Variants in PKM observed in about 807,000 individuals in gnomAD.
The protein encoded by PKM is pyruvate kinase PKM.
In PKM, 18 loss-of-function variants were observed where a neutral mutation model predicts 49.8. The observed-to-expected ratio is 0.36, with a 90% CI of 0.25 to 0.54. The LOEUF (loss-of-function observed/expected upper bound fraction) is 0.54, where lower values mean the gene tolerates loss of function less well. Ranked by LOEUF, PKM falls within the 20% of genes least tolerant of loss-of-function variation. The pLI, the probability that PKM is intolerant of heterozygous loss-of-function variation, is 0.89. For missense variants in PKM, 508 were observed against 713.8 expected, an observed-to-expected ratio of 0.71 and a Z score of 3.28; for synonymous variants, 239 against 261.8, an observed-to-expected ratio of 0.91 and a Z score of 0.84.
chr15:72,210,322 C>T (rs1268573123), intron 4 of PKM, 25 bp downstream of exon 4: 1 of 1,611,342 alleles, frequency 6.2e-7, no homozygotes, highest in Non-Finnish European at 8.5e-7. Flanking sequence ...CTGAGCCTTC[C>T]CCTCGCTCTC....
intron 1 of PKM, among the ~76,000 whole-genome samples, chr15:72,225,872 T>C (rs1052551906): frequency 3.3e-5 from 5 of 152,188 alleles, no homozygotes; most frequent in Non-Finnish European, 5.9e-5. Context: ...ATTGAAGTCT[T>C]AGGTCATGGA....
chr15:72,202,760 C>G lies in PKM; in HGVS notation c.1141-140G>C. 1.3e-6 allele frequency: 1 copy of G among 778,676 alleles called. No homozygotes were observed. The highest frequency in any genetic ancestry group is 1.6e-5 in the South Asian group (1 of 62,978). 48.2% of individuals were successfully genotyped at this position (778,676 alleles called of 1,614,324 possible). A position where few individuals can be genotyped will look rare whatever the true frequency, so the allele number is the denominator to read the frequency against. ...CCTGGGAACAAAGGCCAAGAGGAGCCCAATCACTGGAGATTCTGAGCTGAG... is the reference window on the plus strand; with the variant it reads ...CCTGGGAACAAAGGCCAAGAGGAGCGCAATCACTGGAGATTCTGAGCTGAG... On this transcript the variant is annotated intron_variant, in intron 8 of 10. Coordinates refer to ENST00000335181, the MANE Select transcript of PKM (RefSeq NM_002654.6). This position sits in a 1 kb window ranked among gnomAD's most constrained non-coding sequence, Gnocchi z 4.5.
chr15:72,205,624 G>GTTTTTTTTT (rs140232218), intron 8 of PKM, among the ~76,000 whole-genome samples: 25 of 99,682 alleles, frequency 2.5e-4, no homozygotes, highest in African/African-American at 5.0e-4. Flanking sequence ...GGGTGTTTTA[G>GTTTTTTTTT]TTTTTTTTTT....
chr15:72,219,775 G>A (rs191411557), intron 1 of PKM, among the ~76,000 whole-genome samples: 14 of 152,274 alleles, frequency 9.2e-5, no homozygotes, highest in African/African-American at 3.4e-4. Context: ...TAAGGGCACT[G>A]GTATAATTCT....
Position 72,200,778 on chromosome 15 carries a change from C to T in PKM, c.1308-123G>A, listed in dbSNP as rs1261997195. The stretch of plus-strand genomic sequence containing the variant: ...CTGAGGGCTCTGGCCTCTTCAACAT[C>T]TGCTCCCTAGGACCCCTCCCGAGGC... On this transcript the variant is annotated intron_variant, in intron 9 of 10. Coordinates refer to ENST00000335181, the MANE Select transcript of PKM (RefSeq NM_002654.6). This position sits in a 1 kb window ranked among gnomAD's most constrained non-coding sequence, Gnocchi z 4.6. The T allele has an allele frequency of 1.2e-6, 1 of 814,678 alleles. No individual in the cohort carries two copies. Among genetic ancestry groups the T allele is most frequent in the Non-Finnish European group, 1.9e-6 (1 of 516,184 alleles). 50.5% of individuals were successfully genotyped at this position (814,678 alleles called of 1,614,324 possible). A position where few individuals can be genotyped will look rare whatever the true frequency, so the allele number is the denominator to read the frequency against.
chr15:72,209,990 G>T, intron 4 of PKM, 131 bp from the exon 5 acceptor site: 1 of 813,186 alleles, frequency 1.2e-6, no homozygotes, highest in Non-Finnish European at 2.1e-6. Context: ...ACAGTTTTTT[G>T]CTCTTATTCT....
At chr15:72,213,784 G>A (rs1371276062) in intron 3 of PKM, among the ~76,000 whole-genome samples, 1 of 151,990 alleles carries the variant, frequency 6.6e-6, no homozygotes, top group Non-Finnish European at 1.5e-5. Context: ...TCTATCTTTT[G>A]GATATTTATC....
At chr15:72,210,637 T>C (rs1485557638) in intron 3 of PKM, among the ~76,000 whole-genome samples, 159 bp from the exon 4 acceptor site, 1 of 152,194 alleles carries the variant, frequency 6.6e-6, no homozygotes, top group Admixed American at 6.5e-5. Flanking sequence ...AGAAATCCTC[T>C]ACCTGCTTAA....
intron 1 of PKM, chr15:72,229,622 G>A: frequency 7.9e-7 from 1 of 1,270,010 alleles, no homozygotes; most frequent in Non-Finnish European, 1.0e-6. Context: ...CTTGCCACCT[G>A]GTGAGACCTT....
chr15:72,201,845 A>G (rs1382189612), intron 9 of PKM: 1 of 161,602 alleles, frequency 6.2e-6, no homozygotes, highest in East Asian at 1.8e-4. Flanking sequence ...CTCCCTAACT[A>G]GGAGAGTGAA....
upstream of PKM, chr15:72,231,589 C>T (rs1474845444): frequency 6.6e-6 from 1 of 152,484 alleles, no homozygotes. Context: ...CCCCAGCTGT[C>T]CCGGCCTACC....
In PKM at chr15:72,200,748, GCTCA is replaced by G; in HGVS notation, c.1308-97_1308-94del. 2 of 1,105,258 alleles carry G rather than the reference GCTCA, an allele frequency of 1.8e-6. No individual in the cohort carries two copies. Among genetic ancestry groups the G allele is most frequent in the Non-Finnish European group, 2.6e-6 (2 of 755,058 alleles). 68.5% of individuals were successfully genotyped at this position (1,105,258 alleles called of 1,614,324 possible). Reference sequence around the variant, plus strand: ...TTCAAACAGCTCACCCTCTCATCCAGCTCACTGAGGGCTCTGGCCTCTTCAACAT... The same window carrying G: ...TTCAAACAGCTCACCCTCTCATCCAGCTGAGGGCTCTGGCCTCTTCAACAT... On this transcript the variant is annotated intron_variant, in intron 9 of 10. Coordinates refer to ENST00000335181, the MANE Select transcript of PKM (RefSeq NM_002654.6). This position sits in a 1 kb window ranked among gnomAD's most constrained non-coding sequence, Gnocchi z 4.6.
At chr15:72,214,938 C>T (rs1163230328) in intron 3 of PKM, among the ~76,000 whole-genome samples, 1 of 151,680 alleles carries the variant, frequency 6.6e-6, no homozygotes, top group Admixed American at 6.6e-5. Flanking sequence ...GAGGGCTGGG[C>T]GTGGTGGCTC....
In PKM at chr15:72,201,000, A is replaced by G. The variant is rs185462892; in HGVS notation, c.1308-345T>C. ...GACACAGAGAGGCAGCCCTGGCCCA[A>G]TGTCACCAGCACCCATTCCTCTCGC... On this transcript the variant is annotated intron_variant, in intron 9 of 10. Transcript: ENST00000335181. The surrounding 1 kb of genome is among the most constrained non-coding windows in gnomAD (Gnocchi z 4.6). 2.9e-4 allele frequency: 73 copies of G among 251,502 alleles called. 1 individual carries two copies. The highest frequency in any genetic ancestry group is 1.4e-3 in the Middle Eastern group (1 of 716). 15.6% of individuals were successfully genotyped at this position (251,502 alleles called of 1,614,324 possible). A position where few individuals can be genotyped will look rare whatever the true frequency, so the allele number is the denominator to read the frequency against.
chr15:72,230,526 C>G (rs1171941212), intron 1 of PKM, among the ~76,000 whole-genome samples: 1 of 151,700 alleles, frequency 6.6e-6, no homozygotes, highest in Non-Finnish European at 1.5e-5. Context: ...GGGGAGCGGA[C>G]GTGACCAGCA....
rs751115773 is a variant in PKM at position 72,202,555 on chromosome 15, C to T, written c.1206G>A (p.Ala402=). 6 of 1,613,536 alleles carry T rather than the reference C, an allele frequency of 3.7e-6. No individual in the cohort carries two copies. The highest frequency in any genetic ancestry group is 1.6e-4 in the Middle Eastern group (1 of 6,062). ...CTTCTGTGGGGTCGCTGGTAATGGGCGCCAGGCGGCGGAGTTCCTCAAATA... is the reference window on the plus strand; with the variant it reads ...CTTCTGTGGGGTCGCTGGTAATGGGTGCCAGGCGGCGGAGTTCCTCAAATA... ...LQLFEELRRL[A]PITSDPTEAT... is the part of the protein sequence containing the mutation. The change falls in exon 9 of 11, where the codon GCG becomes GCA. Residue 402 remains alanine (A), a synonymous_variant. Coordinates refer to ENST00000335181, the MANE Select transcript of PKM (RefSeq NM_002654.6). The surrounding 1 kb of genome is among the most constrained non-coding windows in gnomAD (Gnocchi z 4.5).
rs2081974552 is a variant in PKM, at chr15:72,202,675, G to A, written c.1141-55C>T. On this transcript the variant is annotated intron_variant, in intron 8 of 10. Transcript: ENST00000335181. The surrounding 1 kb of genome is among the most constrained non-coding windows in gnomAD (Gnocchi z 4.5). ...GAGAGGGGGACAGAGCTTTGTCAGA[G>A]CTTTGTCACAAAAGGAGAGGGAGGG... is the stretch of plus-strand genomic sequence containing the variant. The A allele has an allele frequency of 2.0e-6, 3 of 1,497,946 alleles. No homozygotes were observed. Among genetic ancestry groups the A allele is most frequent in the South Asian group, 1.2e-5 (1 of 85,808 alleles). The allele number at this position is 1,497,946 out of a possible 1,614,324, so 92.8% of individuals were successfully genotyped here. A position where few individuals can be genotyped will look rare whatever the true frequency, so the allele number is the denominator to read the frequency against.
At position 72,202,525 on chromosome 15, in the gene PKM, G is replaced by C. The variant is rs964243282; in HGVS notation, c.1236C>G (p.Thr412=). The change falls in exon 9 of 11, where the codon ACC becomes ACG. Residue 412 remains threonine, a synonymous_variant. Transcript: ENST00000335181. The surrounding 1 kb of genome is among the most constrained non-coding windows in gnomAD (Gnocchi z 4.5). ...AGGAGGCCTCCACGGCACCCACGGC[G>C]GTGGCTTCTGTGGGGTCGCTGGTAA... ...APITSDPTEA[T]AVGAVEASFK... is the part of the protein sequence containing the mutation. 6.2e-7 allele frequency: 1 copy of C among 1,613,548 alleles called. No homozygotes were observed. The highest frequency in any genetic ancestry group is 8.5e-7 in the Non-Finnish European group (1 of 1,179,836).
chr15:72,221,426 C>T (rs928182490), intron 1 of PKM: 2 of 560,848 alleles, frequency 3.6e-6, no homozygotes, highest in African/African-American at 1.9e-5. Flanking sequence ...GATTTACTAA[C>T]ATTCCACTAT....
Sources: allele counts gnomAD v4.1 joint callset (sites outside exome capture counted in the v4.1 genomes callset), GRCh38; gene constraint gnomAD v4.1.1; non-coding constraint Gnocchi (gnomAD v3.1); transcripts MANE v1.5; gene names NCBI Gene and HGNC (gene_info 2026-07-23, HGNC 2026-07-21).